Variants in TMX3 observed in about 807,000 individuals in gnomAD.
TMX3 encodes thioredoxin related transmembrane protein 3, also known as protein disulfide-isomerase TMX3.
In TMX3, 40 loss-of-function variants were observed where a neutral mutation model predicts 64.4. The observed-to-expected ratio is 0.62, with a 90% CI of 0.48 to 0.81. TMX3 has a LOEUF of 0.81. Among genes scored for constraint, TMX3 ranks in the 30% least tolerant of loss-of-function variants. TMX3 has a pLI of 0.00. For synonymous variants in TMX3, 189 were observed against 175.7 expected (o/e 1.08, Z -0.60); for missense variants, 497 against 534.5 (o/e 0.93, Z 0.69).
intron 10 of TMX3, chr18:68,687,105 A>G: frequency 1.0e-6 from 1 of 983,312 alleles, no homozygotes; most frequent in South Asian, 4.7e-5. Context: ...TCTCATTTCT[A>G]ATTTGCTATA....
At chr18:68,689,748 C>G (rs921811423) in intron 9 of TMX3, 1 of 152,152 alleles carries the variant, frequency 6.6e-6, no homozygotes, top group African/African-American at 2.4e-5. Context: ...ACGTCTAATA[C>G]AGACATTCAA....
chr18:68,686,666 C>T lies in TMX3; in HGVS notation c.736+1001G>A. 4.3e-6 allele frequency: 4 copies of T among 932,946 alleles called. No individual in the cohort carries two copies. The South Asian group carries it at 2.0e-4, about 46-fold the overall frequency. 57.8% of individuals were successfully genotyped at this position (932,946 alleles called of 1,614,324 possible). On this transcript the variant is annotated intron_variant, in intron 10 of 15. Coordinates refer to ENST00000299608, the MANE Select transcript of TMX3 (RefSeq NM_019022.5). ...AGGTTGCAGTGAGCCAAGATCACGT[C>T]ACTGCACTCCAGCCTGGCGACAGAG...
chr18:68,695,267 T>C (rs1166738025), intron 8 of TMX3, among the ~76,000 whole-genome samples: 2 of 152,206 alleles, frequency 1.3e-5, no homozygotes, highest in African/African-American at 4.8e-5. Flanking sequence ...TTTAAAACAC[T>C]TCGTCTTGGC....
intron 3 of TMX3, among the ~76,000 whole-genome samples, chr18:68,710,632 A>G (rs1258120731): frequency 6.6e-6 from 1 of 152,182 alleles, no homozygotes; most frequent in Non-Finnish European, 1.5e-5. Flanking sequence ...TGGCATAGGG[A>G]CAAGCCAGGT....
intron 6 of TMX3, 55 bp from the exon 7 acceptor site, chr18:68,698,086 T>G (rs983705781): frequency 1.7e-6 from 2 of 1,154,502 alleles, no homozygotes; most frequent in African/African-American, 3.1e-5. Flanking sequence ...AGTACATAAT[T>G]TACTATTTAT....
chr18:68,699,754 T>G (rs1915487653), intron 6 of TMX3, among the ~76,000 whole-genome samples: 2 of 152,158 alleles, frequency 1.3e-5, no homozygotes, highest in South Asian at 4.1e-4. Context: ...CATCAAAATG[T>G]AGATTTAAAA....
chr18:68,709,592 G>C (rs1204222533), intron 4 of TMX3, among the ~76,000 whole-genome samples: 1 of 151,996 alleles, frequency 6.6e-6, no homozygotes, highest in Non-Finnish European at 1.5e-5. Context: ...TTTTGCTCTA[G>C]TATTCTTTCT....
rs1914040312 is a variant in TMX3 at position 68,687,109 on chromosome 18, T to G, written c.736+558A>C. 5.1e-6 allele frequency: 5 copies of G among 983,574 alleles called. No individual in the cohort carries two copies. The African/African-American group carries it at 5.2e-5, about 10-fold the overall frequency. The allele number at this position is 983,574 out of a possible 1,614,324, so 60.9% of individuals were successfully genotyped here. A position where few individuals can be genotyped will look rare whatever the true frequency, so the allele number is the denominator to read the frequency against. On this transcript the variant is annotated intron_variant, in intron 10 of 15. Transcript: ENST00000299608. ...TAACCAATATTTCTCATTTCTAATTTGCTATAAATTTATAAAACACTTTCT... is the reference window on the plus strand; with the variant it reads ...TAACCAATATTTCTCATTTCTAATTGGCTATAAATTTATAAAACACTTTCT...
At position 68,698,010 on chromosome 18, in the gene TMX3, T is replaced by C. The variant is rs1345372878; in HGVS notation, c.414A>G (p.Pro138=). The C allele has an allele frequency of 1.2e-6, 2 of 1,611,702 alleles. No individual in the cohort carries two copies. Among genetic ancestry groups the C allele is most frequent in the Non-Finnish European group, 1.7e-6 (2 of 1,179,588 alleles). The change falls in exon 7 of 16, where the codon CCA becomes CCG. Residue 138 remains proline, a synonymous_variant. Coordinates refer to ENST00000299608, the MANE Select transcript of TMX3 (RefSeq NM_019022.5). ...GCATATGTTCAAACATTTGTTGACT[T>C]GGAAGTGGCCGAATTAGAGCCCTGT... is the stretch of plus-strand genomic sequence containing the variant. ...RVSGALIRPL[P]SQQMFEHMQK... is the part of the protein sequence containing the mutation.
At chr18:68,709,965 C>T in intron 4 of TMX3, 56 bp downstream of exon 4, 2 of 1,489,994 alleles carry the variant, frequency 1.3e-6, no homozygotes, top group Non-Finnish European at 8.9e-7. Context: ...AATACTGTTG[C>T]ATATAAATGT....
chr18:68,683,879 T>A (rs1913686592), intron 12 of TMX3, among the ~76,000 whole-genome samples: 1 of 152,190 alleles, frequency 6.6e-6, no homozygotes, highest in Admixed American at 6.5e-5. Context: ...TGTATTGTTA[T>A]AATTGTTCTA....
At chr18:68,677,378 A>G (rs1685851416) in intron 15 of TMX3, among the ~76,000 whole-genome samples, 185 bp from the exon 16 acceptor site, 1 of 152,162 alleles carries the variant, frequency 6.6e-6, no homozygotes, top group South Asian at 2.1e-4. Context: ...TAATTTCTAT[A>G]TGCACATACA....
At chr18:68,681,216 C>T (rs777237333) in intron 13 of TMX3, 106 bp from the exon 14 acceptor site, 38 of 1,004,944 alleles carry the variant, frequency 3.8e-5, no homozygotes, top group Non-Finnish European at 4.4e-5. Context: ...CTATTTAACA[C>T]ATTTGTGCAT....
At chr18:68,677,292 A>G in intron 15 of TMX3, 99 bp from the exon 16 acceptor site, 2 of 1,339,640 alleles carry the variant, frequency 1.5e-6, no homozygotes, top group Non-Finnish European at 2.0e-6. Context: ...TCTTGTTGCT[A>G]TTCAGCTTGT....
At chr18:68,683,132 G>T (rs1913608759) in intron 12 of TMX3, 151 bp from the exon 13 acceptor site, 1 of 632,154 alleles carries the variant, frequency 1.6e-6, no homozygotes, top group South Asian at 2.2e-5. Flanking sequence ...CATTTCACAT[G>T]TAAATCATAT....
chr18:68,715,076 G>T lies in TMX3; in HGVS notation c.-95C>A, dbSNP rs1281704366. The T allele has an allele frequency of 1.9e-6, 3 of 1,540,872 alleles. No homozygotes were observed. The highest frequency in any genetic ancestry group is 2.6e-6 in the Non-Finnish European group (3 of 1,141,768). The stretch of plus-strand genomic sequence containing the variant: ...CCCGCCCGGAAAGGGAAACGGAGCC[G>T]ACCCGGAGCGGAAGAGAAGCACCGC... On this transcript the variant is annotated 5_prime_UTR_variant, in exon 1 of 16. Transcript: ENST00000299608.
At chr18:68,702,155 T>C (rs1468836746) in intron 4 of TMX3, among the ~76,000 whole-genome samples, 1 of 128,118 alleles carries the variant, frequency 7.8e-6, no homozygotes, top group African/African-American at 3.0e-5. Context: ...ATATTTCTTC[T>C]AGGTCTCATT....
chr18:68,687,568 G>A, intron 10 of TMX3, 99 bp downstream of exon 10: 1 of 1,507,582 alleles, frequency 6.6e-7, no homozygotes, highest in Non-Finnish European at 8.8e-7. Context: ...AAATTAAGTT[G>A]AGAAATAGAG....
chr18:68,700,591 A>T, intron 5 of TMX3, 106 bp from the exon 6 acceptor site: 16 of 1,034,608 alleles, frequency 1.5e-5, no homozygotes, highest in South Asian at 5.5e-5. Flanking sequence ...TAAAATAGTA[A>T]ATGCAGAGAA....
Sources: allele counts gnomAD v4.1 joint callset (sites outside exome capture counted in the v4.1 genomes callset), GRCh38; gene constraint gnomAD v4.1.1; transcripts MANE v1.5; gene names NCBI Gene and HGNC (gene_info 2026-07-23, HGNC 2026-07-21).